Variants in ANKS1B observed in about 807,000 individuals in gnomAD.
The protein encoded by ANKS1B is ankyrin repeat and sterile alpha motif domain-containing protein 1B.
A neutral mutation model predicts 148.3 loss-of-function variants in ANKS1B; 36 were observed. The ratio of observed to expected loss-of-function variants is 0.24; its 90% confidence interval spans 0.19 to 0.32. ANKS1B has a LOEUF of 0.32. ANKS1B is among the 10% of genes least tolerant of loss of function. The pLI, the probability that ANKS1B is intolerant of heterozygous loss-of-function variation, is 1.00. For synonymous variants in ANKS1B, 542 were observed against 560.8 expected (o/e 0.97, Z 0.47); for missense variants, 1,157 against 1,542.6 (o/e 0.75, Z 4.19).
At chr12:99,538,394 G>A (rs957707059) in intron 9 of ANKS1B, among the ~76,000 whole-genome samples, 31 of 152,060 alleles carry the variant, frequency 2.0e-4, no homozygotes, top group East Asian at 7.7e-4. Flanking sequence ...CCATGAACAC[G>A]GAATGTCTTT....
intron 1 of ANKS1B, among the ~76,000 whole-genome samples, chr12:99,854,233 C>T (rs1341287258): frequency 2.0e-5 from 3 of 152,068 alleles, no homozygotes; most frequent in Admixed American, 6.6e-5. Flanking sequence ...AGGATGGCCT[C>T]GATCTCCTGA....
chr12:99,200,742 A>C (rs1308686933), intron 14 of ANKS1B, among the ~76,000 whole-genome samples: 1 of 152,168 alleles, frequency 6.6e-6, no homozygotes, highest in Non-Finnish European at 1.5e-5. Context: ...ATTTTACTAT[A>C]AGACAATGAA....
At chr12:99,983,139 T>C (rs2095730958) in intron 1 of ANKS1B, among the ~76,000 whole-genome samples, 1 of 152,214 alleles carries the variant, frequency 6.6e-6, no homozygotes, top group East Asian at 1.9e-4. Flanking sequence ...TGAATGACAA[T>C]TGATGACTCC....
chr12:99,956,820 C>T (rs147211778), intron 1 of ANKS1B, among the ~76,000 whole-genome samples: 101 of 152,256 alleles, frequency 6.6e-4, no homozygotes, highest in African/African-American at 2.2e-3. Context: ...GTTCATTCTC[C>T]CTTTAAAAGT....
At chr12:99,403,414 C>A (rs1477702185) in intron 11 of ANKS1B, among the ~76,000 whole-genome samples, 1 of 144,388 alleles carries the variant, frequency 6.9e-6, no homozygotes, top group Admixed American at 6.9e-5. Flanking sequence ...ACCTCATCCT[C>A]CCAAAGTGCT....
chr12:98,879,670 C>CT (rs1185932971), intron 17 of ANKS1B, among the ~76,000 whole-genome samples: 1 of 151,884 alleles, frequency 6.6e-6, no homozygotes, highest in African/African-American at 2.4e-5. Flanking sequence ...GTTGAAAATT[C>CT]TTTGACAGTG....
chr12:99,414,410 T>A (rs971555016), intron 11 of ANKS1B, among the ~76,000 whole-genome samples: 1 of 152,102 alleles, frequency 6.6e-6, no homozygotes, highest in African/African-American at 2.4e-5. Context: ...CTATTCACAA[T>A]AGCAAAGACT....
At chr12:99,630,867 T>C (rs2098152101) in intron 9 of ANKS1B, among the ~76,000 whole-genome samples, 2 of 152,096 alleles carry the variant, frequency 1.3e-5, no homozygotes, top group South Asian at 4.1e-4. Context: ...TCCACCCAAA[T>C]CTCATCTTGA....
chr12:99,224,904 T>G (rs2085665442), intron 14 of ANKS1B, among the ~76,000 whole-genome samples: 1 of 152,116 alleles, frequency 6.6e-6, no homozygotes, highest in African/African-American at 2.4e-5. Flanking sequence ...ACATAAAAAT[T>G]TAGGTCATGC....
intron 15 of ANKS1B, among the ~76,000 whole-genome samples, chr12:99,091,899 G>T (rs2054139271): frequency 6.6e-6 from 1 of 150,428 alleles, no homozygotes; most frequent in African/African-American, 2.4e-5. Context: ...GAGATAAAAG[G>T]TTGAGTTAAA....
At chr12:99,078,762 C>A (rs898988494) in intron 16 of ANKS1B, among the ~76,000 whole-genome samples, 1 of 149,854 alleles carries the variant, frequency 6.7e-6, no homozygotes, top group African/African-American at 2.4e-5. Flanking sequence ...CCCGCCCTAC[C>A]CCATGGTCCC....
intron 12 of ANKS1B, among the ~76,000 whole-genome samples, chr12:99,327,332 TA>T (rs1258816264): frequency 7.9e-6 from 1 of 126,906 alleles, no homozygotes; most frequent in East Asian, 2.1e-4. Flanking sequence ...ATATTATATA[TA>T]ATTATATATT....
In ANKS1B at chr12:99,095,575, C is replaced by A. The variant is rs543440496; in HGVS notation, c.2527-10552G>T. On this transcript the variant is annotated intron_variant, in intron 15 of 26. Coordinates refer to ENST00000683438, the MANE Select transcript of ANKS1B (RefSeq NM_001352186.2). ...GGAAGGGTTAGTTCTGCATAAAAAACGTTATTTAAAGCTCTCTCCATCTTT... is the reference window on the plus strand; with the variant it reads ...GGAAGGGTTAGTTCTGCATAAAAAAAGTTATTTAAAGCTCTCTCCATCTTT... Among the ~76,000 whole-genome samples, 8 of 152,264 alleles carry A rather than the reference C, an allele frequency of 5.3e-5. No individual in the cohort carries two copies. In the South Asian group the frequency reaches 1.7e-3, roughly 32 times the overall value.
At chr12:99,410,585 C>T (rs1351072992) in intron 11 of ANKS1B, among the ~76,000 whole-genome samples, 3 of 152,130 alleles carry the variant, frequency 2.0e-5, no homozygotes, top group Admixed American at 2.0e-4. Context: ...AGGAGAATGG[C>T]GTGAACCTGG....
At chr12:99,449,502 TTTC>T (rs1256114842) in intron 10 of ANKS1B, among the ~76,000 whole-genome samples, 1 of 152,182 alleles carries the variant, frequency 6.6e-6, no homozygotes, top group African/African-American at 2.4e-5. Flanking sequence ...GGATTTCAAG[TTTC>T]TTAACTGTAA....
chr12:98,979,507 G>T (rs1442213324), intron 17 of ANKS1B, among the ~76,000 whole-genome samples: 1 of 151,922 alleles, frequency 6.6e-6, no homozygotes, highest in African/African-American at 2.4e-5. Context: ...TCCTGAACTC[G>T]TGATCCACCC....
At chr12:99,784,160 T>C (rs1224420860) in intron 4 of ANKS1B, among the ~76,000 whole-genome samples, 1 of 148,718 alleles carries the variant, frequency 6.7e-6, no homozygotes, top group South Asian at 2.1e-4. Flanking sequence ...CCAGGCATAC[T>C]GAACTTTCTT....
chr12:98,963,186 T>G lies in ANKS1B; in HGVS notation c.2778+89971A>C, dbSNP rs1035432043. ...TTTTCTTTTTCTTTTTTTCCTTTCT[T>G]TTTTTTTTTCTGAGACAGAGTTTGG... is the stretch of plus-strand genomic sequence containing the variant. On this transcript the variant is annotated intron_variant, in intron 17 of 26. Coordinates refer to ENST00000683438, the MANE Select transcript of ANKS1B (RefSeq NM_001352186.2). Among the ~76,000 whole-genome samples, 4 of 149,706 alleles carry G rather than the reference T, an allele frequency of 2.7e-5. 1 individual carries two copies. In the South Asian group the frequency reaches 6.3e-4, roughly 24 times the overall value.
At chr12:99,312,122 C>G (rs527671711) in intron 12 of ANKS1B, among the ~76,000 whole-genome samples, 1 of 152,076 alleles carries the variant, frequency 6.6e-6, no homozygotes, top group Non-Finnish European at 1.5e-5. Context: ...CTAGGTTAAA[C>G]GAGTCATTTC....
Sources: gnomAD v4.1 joint callset for allele counts (sites outside exome capture counted in the v4.1 genomes callset) on GRCh38, gnomAD v4.1.1 for gene constraint, MANE v1.5 for transcripts, NCBI Gene and HGNC (gene_info 2026-07-23, HGNC 2026-07-21) for gene names.